Variants in FAM50B observed in about 807,000 individuals in gnomAD.
FAM50B encodes family with sequence similarity 50 member B.
Under a neutral mutation model 25.4 loss-of-function variants are expected in FAM50B, and 9 were observed. That is an observed-to-expected ratio of 0.35 (90% CI 0.21 to 0.62). FAM50B has a LOEUF of 0.62. Ranked by LOEUF, FAM50B falls within the 20% of genes least tolerant of loss-of-function variation. FAM50B has a pLI of 0.73. For missense variants in FAM50B, 372 were observed against 477.9 expected (o/e 0.78, Z 2.07); for synonymous variants, 212 against 204.3 (o/e 1.04, Z -0.32).
chr6:3,838,737 A>T, the FAM50B span, among the ~76,000 whole-genome samples: 7 of 147,656 alleles, frequency 4.7e-5, no homozygotes, highest in Non-Finnish European at 7.5e-5. Flanking sequence ...GCTACTTGGG[A>T]GGTTGAGGCA....
chr6:3,849,686 C>T (rs1294302339), intron 1 of FAM50B, 103 bp from the exon 2 acceptor site: 1 of 1,430,254 alleles, frequency 7.0e-7, no homozygotes, highest in African/African-American at 1.4e-5. Context: ...CCCCTGAACG[C>T]TTCCATCACT....
chr6:3,849,911 C>A lies in FAM50B; in HGVS notation c.100C>A (p.Arg34Ser). The A allele has an allele frequency of 6.2e-7, 1 of 1,613,526 alleles. No homozygotes were observed. Among genetic ancestry groups the A allele is most frequent in the Non-Finnish European group, 8.5e-7 (1 of 1,179,934 alleles). ...QREQMEVLKQ[R>S]IAEETILKSQ... Reference sequence around the variant, plus strand: ...GGAGCAGATGGAGGTGCTGAAGCAGCGCATCGCCGAGGAGACCATCCTCAA... The same window carrying A: ...GGAGCAGATGGAGGTGCTGAAGCAGAGCATCGCCGAGGAGACCATCCTCAA... Residue 34 changes from arginine (R) to serine (S), a missense_variant, in exon 2 of 2, where the codon CGC becomes AGC. Transcript: ENST00000648326.
At chr6:3,843,266 T>C in the FAM50B span, among the ~76,000 whole-genome samples, 1 of 152,018 alleles carries the variant, frequency 6.6e-6, no homozygotes, top group African/African-American at 2.4e-5. Context: ...AATAAGGAGG[T>C]AAACACCAGA....
chr6:3,842,777 T>G, the FAM50B span, among the ~76,000 whole-genome samples: 1 of 152,332 alleles, frequency 6.6e-6, no homozygotes, highest in East Asian at 1.9e-4. Context: ...GAGAAAACTG[T>G]AAAAGACATA....
chr6:3,838,862 A>C, the FAM50B span, among the ~76,000 whole-genome samples: 3 of 113,632 alleles, frequency 2.6e-5, no homozygotes, highest in Admixed American at 8.5e-5. Flanking sequence ...AAAAAAAAAC[A>C]CACACACAAG....
At chr6:3,840,954 G>A in the FAM50B span, among the ~76,000 whole-genome samples, 1 of 152,226 alleles carries the variant, frequency 6.6e-6, no homozygotes, top group African/African-American at 2.4e-5. Flanking sequence ...TAAGCAACCA[G>A]CTCATGTCTT....
rs1762211611 is a variant in FAM50B, at chr6:3,850,839, T to G, written c.*50T>G. The G allele has an allele frequency of 1.4e-5, 22 of 1,587,226 alleles. No individual in the cohort carries two copies. Among genetic ancestry groups the G allele is most frequent in the Non-Finnish European group, 1.9e-5 (22 of 1,166,044 alleles). Reference sequence around the variant, plus strand: ...GGGGGTGGGGGGAGACACTCATTTCTAGGCCCCATCACCAGTCACTTGATT... The same window carrying G: ...GGGGGTGGGGGGAGACACTCATTTCGAGGCCCCATCACCAGTCACTTGATT... On this transcript the variant is annotated 3_prime_UTR_variant, in exon 2 of 2. Transcript: ENST00000648326.
upstream of FAM50B, among the ~76,000 whole-genome samples, chr6:3,848,757 T>G (rs149726694): frequency 3.5e-3 from 537 of 152,262 alleles, 4 homozygotes; most frequent in African/African-American, 0.011. Flanking sequence ...CTGCTACACT[T>G]TAACTCAGTG....
chr6:3,841,669 A>G, the FAM50B span, among the ~76,000 whole-genome samples: 1 of 152,214 alleles, frequency 6.6e-6, no homozygotes, highest in Non-Finnish European at 1.5e-5. Flanking sequence ...TCACTTGCTT[A>G]CCCAAAGTCA....
the FAM50B span, among the ~76,000 whole-genome samples, chr6:3,843,524 A>C: frequency 1.3e-5 from 2 of 152,156 alleles, no homozygotes; most frequent in Admixed American, 1.3e-4. Flanking sequence ...TGAAATTGTG[A>C]CATCTCTTAG....
At position 3,849,386 on chromosome 6, in the gene FAM50B, A is replaced by T. The variant is rs1272154925; in HGVS notation, c.-124A>T. On this transcript the variant is annotated 5_prime_UTR_variant, in exon 1 of 2. Coordinates refer to ENST00000648326, the MANE Select transcript of FAM50B (RefSeq NM_012135.3). Reference sequence around the variant, plus strand: ...CGCACCGCCTCCACTTCCTGTGTCCACGGCTGTCGCGAGAGCCCGGGGCGA... The same window carrying T: ...CGCACCGCCTCCACTTCCTGTGTCCTCGGCTGTCGCGAGAGCCCGGGGCGA... The T allele has an allele frequency of 6.1e-6, 1 of 164,950 alleles. No homozygotes were observed. Among genetic ancestry groups the T allele is most frequent in the African/African-American group, 2.4e-5 (1 of 41,648 alleles). 10.2% of individuals were successfully genotyped at this position (164,950 alleles called of 1,614,324 possible). A position where few individuals can be genotyped will look rare whatever the true frequency, so the allele number is the denominator to read the frequency against.
chr6:3,834,095 G>GA, the FAM50B span, among the ~76,000 whole-genome samples: 1 of 151,536 alleles, frequency 6.6e-6, no homozygotes, highest in East Asian at 1.9e-4. Context: ...CCCTTTTTTG[G>GA]AAAAAATTGG....
upstream of FAM50B, among the ~76,000 whole-genome samples, chr6:3,846,255 T>C (rs2113025042): frequency 6.6e-6 from 1 of 152,344 alleles, no homozygotes; most frequent in East Asian, 1.9e-4. Context: ...TCGGAGATAC[T>C]GTGGGTTCAG....
chr6:3,848,046 C>T (rs1308660644), upstream of FAM50B, among the ~76,000 whole-genome samples: 2 of 152,144 alleles, frequency 1.3e-5, no homozygotes, highest in Non-Finnish European at 2.9e-5. Context: ...CCTCACAGAA[C>T]GATGATCACA....
Position 3,849,846 on chromosome 6 carries a change from G to T in FAM50B, c.35G>T (p.Gly12Val). 1.9e-6 allele frequency: 3 copies of T among 1,612,738 alleles called. No individual in the cohort carries two copies. The highest frequency in any genetic ancestry group is 2.5e-6 in the Non-Finnish European group (3 of 1,179,622). The change falls in exon 2 of 2, where the codon GGC (glycine) becomes GTC (valine). Residue 12 changes from glycine to valine, a missense_variant. By Grantham distance (109) the Gly-to-Val change is moderately radical. Transcript: ENST00000648326. ...AQYKGTMREA[G>V]RAMHLLKKRE... The stretch of plus-strand genomic sequence containing the variant: ...TACAAGGGCACCATGCGCGAGGCAG[G>T]CCGTGCCATGCACCTCCTCAAGAAG...
chr6:3,836,154 C>T, the FAM50B span, among the ~76,000 whole-genome samples: 1 of 152,178 alleles, frequency 6.6e-6, no homozygotes, highest in Non-Finnish European at 1.5e-5. Flanking sequence ...AACAACACAG[C>T]AGTAGCAAAG....
At chr6:3,841,501 C>A in the FAM50B span, among the ~76,000 whole-genome samples, 1 of 152,142 alleles carries the variant, frequency 6.6e-6, no homozygotes, top group Admixed American at 6.5e-5. Context: ...AACAAATGTA[C>A]ATAGAGTCAA....
chr6:3,846,597 G>A (rs186947396), upstream of FAM50B, among the ~76,000 whole-genome samples: 64 of 152,208 alleles, frequency 4.2e-4, 1 homozygote, highest in African/African-American at 1.4e-3. Flanking sequence ...TACCTTTCAC[G>A]AAAGATTTCT....
Position 3,849,797 on chromosome 6 carries a change from G to A in FAM50B, c.-15G>A, listed in dbSNP as rs1351033118. 1.3e-6 allele frequency: 2 copies of A among 1,591,136 alleles called. No individual in the cohort carries two copies. The highest frequency in any genetic ancestry group is 1.7e-6 in the Non-Finnish European group (2 of 1,166,334). On this transcript the variant is annotated 5_prime_UTR_variant, in exon 2 of 2. Transcript: ENST00000648326. ...TTTCCTCTTTGCTGCAGAGCCCATC[G>A]GGTAGGCGCGGGCCATGGCGCAGTA... is the stretch of plus-strand genomic sequence containing the variant.
Sources: gnomAD v4.1 joint callset for allele counts (sites outside exome capture counted in the v4.1 genomes callset) on GRCh38, gnomAD v4.1.1 for gene constraint, MANE v1.5 for transcripts, NCBI Gene and HGNC (gene_info 2026-07-23, HGNC 2026-07-21) for gene names.